Variants in ZNF699 observed in about 807,000 individuals in gnomAD.
ZNF699 encodes hangover homolog.
ZNF699 carries 18 observed loss-of-function variants against 22.5 expected under a neutral mutation model. The ratio of observed to expected loss-of-function variants is 0.80; its 90% CI spans 0.55 to 1.19. The LOEUF (loss-of-function observed/expected upper bound fraction) is 1.19. Ranked by LOEUF, ZNF699 falls within the 50% of genes most tolerant of loss-of-function variation. The pLI, the probability that ZNF699 is intolerant of heterozygous loss-of-function variation, is 0.00. For synonymous variants in ZNF699, 241 were observed against 262.3 expected, an observed-to-expected ratio of 0.92 and a Z score of 0.78; for missense variants, 670 against 763.4, an observed-to-expected ratio of 0.88 and a Z score of 1.44.
At chr19:9,305,463 G>T (rs573536301) in intron 1 of ZNF699, among the ~76,000 whole-genome samples, 3 of 152,298 alleles carry the variant, frequency 2.0e-5, no homozygotes, top group African/African-American at 7.2e-5. Context: ...CTGTCAATCT[G>T]CCCATGATAA....
In ZNF699 at chr19:9,309,356, C is replaced by G. The variant is rs887113185; in HGVS notation, c.-12G>C. On this transcript the variant is annotated 5_prime_UTR_variant, in exon 1 of 6. Coordinates refer to ENST00000591998, the MANE Select transcript of ZNF699 (RefSeq NM_198535.3). ...AATGTCACCCCGTGCTCACCCGACA[C>G]GCCGCGATCCACAGATCAGCTCACA... 1 of 152,300 alleles carries G rather than the reference C, an allele frequency of 6.6e-6. No homozygotes were observed. Among genetic ancestry groups the G allele is most frequent in the South Asian group, 2.1e-4 (1 of 4,840 alleles). The allele number at this position is 152,300 out of a possible 1,614,324, so 9.4% of individuals were successfully genotyped here.
At position 9,308,656 on chromosome 19, in the gene ZNF699, A is replaced by C. The variant is rs544464832; in HGVS notation, c.-6+694T>G. 3.9e-5 allele frequency among the ~76,000 whole-genome samples: 6 copies of C among 152,310 alleles called. No individual in the cohort carries two copies. In the South Asian group the frequency reaches 1.2e-3, roughly 32 times the overall value. ...AAATAGGAATAAAGAAAGGAAAAAA[A>C]CCTACAAACACCTACAGCAAACATC... On this transcript the variant is annotated intron_variant, in intron 1 of 5. Coordinates refer to ENST00000591998, the MANE Select transcript of ZNF699 (RefSeq NM_198535.3).
intron 2 of ZNF699, among the ~76,000 whole-genome samples, chr19:9,304,682 T>C (rs1221962899): frequency 6.6e-6 from 1 of 152,096 alleles, no homozygotes; most frequent in Non-Finnish European, 1.5e-5. Flanking sequence ...TCCCAGCACT[T>C]TGGGAGGCCA....
chr19:9,295,908 C>T lies in ZNF699; in HGVS notation c.1496G>A (p.Gly499Glu), dbSNP rs1568344629. The change falls in exon 6 of 6, where the codon GGA becomes GAA. Residue 499 changes from glycine (G) to glutamate (E), a missense_variant. Transcript: ENST00000591998. The stretch of plus-strand genomic sequence containing the variant: ...TTCTTTACATTCATACGGCTTCTCT[C>T]CGCTGTGAGTTCTTAGGTGTTCGGT... The part of the protein sequence containing the change: ...SLTEHLRTHS[G>E]EKPYECKECG... The T allele has an allele frequency of 6.2e-7, 1 of 1,614,116 alleles. No individual in the cohort carries two copies. The highest frequency in any genetic ancestry group is 8.5e-7 in the Non-Finnish European group (1 of 1,180,012).
intron 1 of ZNF699, among the ~76,000 whole-genome samples, chr19:9,307,934 G>A (rs1347793108): frequency 2.7e-5 from 4 of 145,484 alleles, no homozygotes; most frequent in Admixed American, 1.4e-4. Flanking sequence ...GAGACACAGC[G>A]AGACTCTGTC....
intron 1 of ZNF699, among the ~76,000 whole-genome samples, chr19:9,305,562 C>T (rs1306826905): frequency 3.3e-5 from 5 of 152,162 alleles, no homozygotes; most frequent in African/African-American, 1.2e-4. Context: ...GATTTATATG[C>T]CAGGCTTCTG....
intron 2 of ZNF699, among the ~76,000 whole-genome samples, chr19:9,303,496 G>T (rs12150875): frequency 0.38 from 57,722 of 152,074 alleles, 12,891 homozygotes; most frequent in Non-Finnish European, 0.49. Flanking sequence ...ACAGGCCAAG[G>T]TATGCTGGGA....
intron 1 of ZNF699, among the ~76,000 whole-genome samples, chr19:9,308,986 T>C (rs2066337348): frequency 6.6e-6 from 1 of 152,164 alleles, no homozygotes; most frequent in Non-Finnish European, 1.5e-5. Flanking sequence ...AGGCAGAATA[T>C]AATATCCAGA....
rs754796442 is a variant in ZNF699, at chr19:9,300,245, TA to T, written c.175+2132del. On this transcript the variant is annotated intron_variant, in intron 3 of 5. Coordinates refer to ENST00000591998, the MANE Select transcript of ZNF699 (RefSeq NM_198535.3). ...ACAGGTGCCCGCCAACACACCCGGC[TA>T]ATTTTTTGTATTTTTAGTACAGATG... Among the ~76,000 whole-genome samples, 12 of 152,236 alleles carry T rather than the reference TA, an allele frequency of 7.9e-5. No individual in the cohort carries two copies. The South Asian group carries it at 2.5e-3, about 32-fold the overall frequency.
rs762620625 is a variant in ZNF699, at chr19:9,295,891, A to G, written c.1513T>C (p.Cys505Arg). 1.2e-5 allele frequency: 20 copies of G among 1,614,016 alleles called. No homozygotes were observed. The East Asian group carries it at 4.0e-4, about 32-fold the overall frequency. The change falls in exon 6 of 6, where the codon TGT becomes CGT. Residue 505 changes from cysteine to arginine, a missense_variant. Cys to Arg is a radical substitution (Grantham distance 180). Coordinates refer to ENST00000591998, the MANE Select transcript of ZNF699 (RefSeq NM_198535.3). ...RTHSGEKPYE[C>R]KECGKAFISS... ...ATAAAGGCTTTCCCACATTCTTTAC[A>G]TTCATACGGCTTCTCTCCGCTGTGA...
At position 9,297,567 on chromosome 19, in the gene ZNF699, G is replaced by T; in HGVS notation, c.287-88C>A. 1.0e-6 allele frequency: 1 copy of T among 987,710 alleles called. No homozygotes were observed. Among genetic ancestry groups the T allele is most frequent in the Non-Finnish European group, 1.5e-6 (1 of 673,956 alleles). The allele number at this position is 987,710 out of a possible 1,614,324, so 61.2% of individuals were successfully genotyped here. Reference sequence around the variant, plus strand: ...GGACTTTGGTATTAATAGGCACAAGGGTCAAAATGGTAAGCAATTAACTAA... The same window carrying T: ...GGACTTTGGTATTAATAGGCACAAGTGTCAAAATGGTAAGCAATTAACTAA... On this transcript the variant is annotated intron_variant, in intron 4 of 5. Transcript: ENST00000591998. This position sits in a 1 kb window ranked among gnomAD's most constrained non-coding sequence, Gnocchi z 4.3.
chr19:9,296,292 G>A lies in ZNF699; in HGVS notation c.1112C>T (p.Ala371Val), dbSNP rs770052172. Residue 371 changes from alanine to valine, a missense_variant, in exon 6 of 6, where the codon GCC becomes GTC. Transcript: ENST00000591998. ...AGTGAGTTTTGAGGACTCGCTGAAG[G>A]CCTTCCCACACTCTTTACATTCATA... Reference protein sequence around the residue: ...KPYECKECGKAFSESSKLTVH... With the variant: ...KPYECKECGKVFSESSKLTVH... 6.2e-7 allele frequency: 1 copy of A among 1,613,898 alleles called. No individual in the cohort carries two copies. The highest frequency in any genetic ancestry group is 2.2e-5 in the East Asian group (1 of 44,852).
At position 9,292,789 on chromosome 19, in the gene ZNF699, A is replaced by G. The variant is rs183390613; in HGVS notation, c.*2686T>C. Among the ~76,000 whole-genome samples, 210 of 151,950 alleles carry G rather than the reference A, an allele frequency of 1.4e-3. 2 individuals carry two copies. In the Middle Eastern group the frequency reaches 0.02, roughly 15 times the overall value. The stretch of plus-strand genomic sequence containing the variant: ...CTAGATATAGATATACATACATACA[A>G]TAAAGGACAAGTAACCAGAAGGAAA... On this transcript the variant is annotated 3_prime_UTR_variant, in exon 6 of 6. Transcript: ENST00000591998.
chr19:9,306,351 C>T (rs934315273), intron 1 of ZNF699, among the ~76,000 whole-genome samples: 1 of 150,880 alleles, frequency 6.6e-6, no homozygotes, highest in Non-Finnish European at 1.5e-5. Flanking sequence ...GAGATTGCGC[C>T]ACTGTACTCC....
chr19:9,297,334 A>G lies in ZNF699; in HGVS notation c.432T>C (p.Gly144=). 1 of 1,599,668 alleles carries G rather than the reference A, an allele frequency of 6.3e-7. No individual in the cohort carries two copies. Among genetic ancestry groups the G allele is most frequent in the Non-Finnish European group, 8.5e-7 (1 of 1,177,376 alleles). ...SSLHENQESC[G]IDYQNKSHER... ...CATGGCTTTTGTTCTGATAATCAAT[A>G]CCACAGGACTCCTGGTTTTCATGTA... The change falls in exon 5 of 6, where the codon GGT becomes GGC. Residue 144 remains glycine (G), a synonymous_variant. Transcript: ENST00000591998. This position sits in a 1 kb window ranked among gnomAD's most constrained non-coding sequence, Gnocchi z 4.3.
chr19:9,309,812 G>C lies in ZNF699; in HGVS notation c.-468C>G, dbSNP rs2066341304. 1 of 152,660 alleles carries C rather than the reference G, an allele frequency of 6.6e-6. No homozygotes were observed. The highest frequency in any genetic ancestry group is 1.5e-5 in the Non-Finnish European group (1 of 68,368). The allele number at this position is 152,660 out of a possible 1,614,324, so 9.5% of individuals were successfully genotyped here. ...CCTCAGACGCGGGCGGAGGCGTAGG[G>C]TGACAAGGCTGTCGACTCGCGCATG... On this transcript the variant is annotated 5_prime_UTR_variant, in exon 1 of 6. Transcript: ENST00000591998.
rs1322647420 is a variant in ZNF699, at chr19:9,296,026, A to G, written c.1378T>C (p.Ser460Pro). ...KECGKAFSCP[S>P]SFRAHVRDHT... The stretch of plus-strand genomic sequence containing the variant: ...TCTCTCACATGTGCTCTAAAGGACG[A>G]GGGACAACTAAAGGCCTTCCCACAT... The change falls in exon 6 of 6, where the codon TCG (serine) becomes CCG (proline). Residue 460 changes from serine to proline, a missense_variant. Transcript: ENST00000591998. 1 of 1,613,956 alleles carries G rather than the reference A, an allele frequency of 6.2e-7. No individual in the cohort carries two copies. The highest frequency in any genetic ancestry group is 8.5e-7 in the Non-Finnish European group (1 of 1,179,982).
Position 9,292,096 on chromosome 19 carries a change from C to T in ZNF699, c.*3379G>A, listed in dbSNP as rs1472334477. ...GGAACTACCTAACCCTGGCTGAGTT[C>T]CCAGACTTCACAGTTCCCACTTGCT... is the stretch of plus-strand genomic sequence containing the variant. On this transcript the variant is annotated 3_prime_UTR_variant, in exon 6 of 6. Transcript: ENST00000591998. Among the ~76,000 whole-genome samples, 1 of 152,120 alleles carries T rather than the reference C, an allele frequency of 6.6e-6. No homozygotes were observed. The highest frequency in any genetic ancestry group is 2.4e-5 in the African/African-American group (1 of 41,410).
In ZNF699 at chr19:9,296,018, A is replaced by C; in HGVS notation, c.1386T>G (p.Phe462Leu). 1 of 1,614,018 alleles carries C rather than the reference A, an allele frequency of 6.2e-7. No homozygotes were observed. Among genetic ancestry groups the C allele is most frequent in the Non-Finnish European group, 8.5e-7 (1 of 1,180,002 alleles). The change falls in exon 6 of 6, where the codon TTT becomes TTG. Residue 462 changes from phenylalanine to leucine, a missense_variant. Phe to Leu is a conservative substitution (Grantham distance 22). Transcript: ENST00000591998. ...CAGTGTGATCTCTCACATGTGCTCT[A>C]AAGGACGAGGGACAACTAAAGGCCT... ...CGKAFSCPSS[F>L]RAHVRDHTGK...
Sources: gnomAD v4.1 joint callset for allele counts (sites outside exome capture counted in the v4.1 genomes callset) on GRCh38, gnomAD v4.1.1 for gene constraint, Gnocchi (gnomAD v3.1) non-coding constraint, MANE v1.5 for transcripts, NCBI Gene and HGNC (gene_info 2026-07-23, HGNC 2026-07-21) for gene names.